ADAMTSL3: variants seen among roughly 807,000 people sequenced by gnomAD.
ADAMTSL3 encodes ADAMTS like 3, also known as ADAMTS-like protein 3.
Under a neutral mutation model 201.7 loss-of-function variants are expected in ADAMTSL3, and 128 were observed. The observed-to-expected ratio is 0.63, with a 90% confidence interval of 0.55 to 0.73. ADAMTSL3 has a LOEUF of 0.73. Ranked by LOEUF, ADAMTSL3 falls within the 30% of genes least tolerant of loss-of-function variation. The probability of loss-of-function intolerance (pLI) is 0.00; values close to 1 mark genes in which losing one functional copy is unlikely to be tolerated. For missense variants in ADAMTSL3, 1,990 were observed against 2,119.6 expected (o/e 0.94, Z 1.20); for synonymous variants, 738 against 748.4 (o/e 0.99, Z 0.23).
intron 9 of ADAMTSL3, among the ~76,000 whole-genome samples, chr15:83,880,225 A>C (rs560579533): frequency 6.6e-6 from 1 of 152,142 alleles, no homozygotes; most frequent in South Asian, 2.1e-4. Context: ...CTTCTGTCCC[A>C]AGCTCTTTGT....
In ADAMTSL3 at chr15:83,888,975, G is replaced by T. The variant is rs556617653; in HGVS notation, c.1073-1134G>T. ...CTTGGCTTTGGGCATTTTTTCTTTC[G>T]TAAAGAGCTCATTCTAGTTTTGAAA... On this transcript the variant is annotated intron_variant, in intron 10 of 29. Coordinates refer to ENST00000286744, the MANE Select transcript of ADAMTSL3 (RefSeq NM_207517.3). Among the ~76,000 whole-genome samples, 17 of 152,090 alleles carry T rather than the reference G, an allele frequency of 1.1e-4. No individual in the cohort carries two copies. The South Asian group carries it at 3.5e-3, about 32-fold the overall frequency.
At chr15:83,674,772 T>TACACAC (rs1037094872) in intron 2 of ADAMTSL3, among the ~76,000 whole-genome samples, 66 of 128,248 alleles carry the variant, frequency 5.1e-4, no homozygotes, top group Non-Finnish European at 7.2e-4. Flanking sequence ...TATACATATA[T>TACACAC]ATATATATAT....
intron 4 of ADAMTSL3, among the ~76,000 whole-genome samples, chr15:83,793,202 G>A (rs924486367): frequency 2.0e-5 from 3 of 152,104 alleles, no homozygotes; most frequent in African/African-American, 7.2e-5. Context: ...GGGGAGTTGA[G>A]GACATGTTGG....
chr15:84,018,242 T>TCA (rs375156230), intron 25 of ADAMTSL3, among the ~76,000 whole-genome samples: 68 of 151,950 alleles, frequency 4.5e-4, no homozygotes, highest in African/African-American at 1.5e-3. Context: ...AAATATACAA[T>TCA]CACACACACA....
intron 3 of ADAMTSL3, among the ~76,000 whole-genome samples, chr15:83,732,223 TTC>T (rs973817392): frequency 1.3e-5 from 2 of 152,094 alleles, no homozygotes; most frequent in African/African-American, 4.8e-5. Context: ...CCAAAAATGA[TTC>T]TGAGTACTCA....
At chr15:83,918,804 T>C (rs1380745081) in intron 16 of ADAMTSL3, among the ~76,000 whole-genome samples, 1 of 152,158 alleles carries the variant, frequency 6.6e-6, no homozygotes, top group African/African-American at 2.4e-5. Flanking sequence ...AAAAGGTTAG[T>C]CCAGCTGTAT....
At chr15:83,660,839 G>C (rs1271876385) in intron 2 of ADAMTSL3, among the ~76,000 whole-genome samples, 1 of 151,294 alleles carries the variant, frequency 6.6e-6, no homozygotes, top group Non-Finnish European at 1.5e-5. Context: ...TGGTGTTTTG[G>C]ACATGAAGTC....
chr15:84,016,897 T>C (rs2068096445), intron 25 of ADAMTSL3, among the ~76,000 whole-genome samples: 1 of 152,196 alleles, frequency 6.6e-6, no homozygotes, highest in Non-Finnish European at 1.5e-5. Flanking sequence ...CCAACTTTGT[T>C]ATGCATCAGT....
chr15:83,762,529 A>G (rs1378232876), intron 3 of ADAMTSL3, among the ~76,000 whole-genome samples: 1 of 152,136 alleles, frequency 6.6e-6, no homozygotes, highest in African/African-American at 2.4e-5. Flanking sequence ...TGCTTCCAAG[A>G]TGGTGCCTTG....
intron 9 of ADAMTSL3, among the ~76,000 whole-genome samples, chr15:83,872,889 A>G (rs1216012361): frequency 6.9e-6 from 1 of 145,874 alleles, no homozygotes; most frequent in Non-Finnish European, 1.5e-5. Flanking sequence ...ACGTATATGT[A>G]TATGTATATT....
intron 2 of ADAMTSL3, among the ~76,000 whole-genome samples, chr15:83,666,583 C>T (rs72761820): frequency 0.1 from 15,230 of 152,154 alleles, 985 homozygotes; most frequent in East Asian, 0.35. Flanking sequence ...CACACCTGTA[C>T]TCCCAGCACT....
chr15:83,857,457 A>G (rs975759025), intron 7 of ADAMTSL3, among the ~76,000 whole-genome samples: 4 of 152,158 alleles, frequency 2.6e-5, no homozygotes, highest in Non-Finnish European at 5.9e-5. Flanking sequence ...GTTAGGTCAT[A>G]TAGCTTCTTA....
At chr15:83,809,995 G>A (rs1320326198) in intron 5 of ADAMTSL3, among the ~76,000 whole-genome samples, 1 of 151,970 alleles carries the variant, frequency 6.6e-6, no homozygotes, top group Admixed American at 6.5e-5. Flanking sequence ...GCAGTCTTTA[G>A]CAACACCTTT....
intron 25 of ADAMTSL3, among the ~76,000 whole-genome samples, chr15:84,018,632 A>C (rs1194752953): frequency 2.0e-5 from 3 of 152,188 alleles, no homozygotes; most frequent in Admixed American, 6.5e-5. Context: ...GAATAAGGTT[A>C]ATGTGGCCTC....
chr15:83,882,660 G>C (rs570178336), intron 9 of ADAMTSL3, among the ~76,000 whole-genome samples: 2 of 152,192 alleles, frequency 1.3e-5, no homozygotes, highest in African/African-American at 4.8e-5. Context: ...TAGGTGAATA[G>C]CTGATAACTG....
chr15:83,942,875 GCCGCCTCA>G lies in ADAMTSL3; in HGVS notation c.2311-25_2311-18del. ...CACTAACATAGAGTGGGCCAAGCCT[GCCGCCTCA>G]CCCCCTCTTGTCTTCTTAGTGTTCC... On this transcript the variant is annotated intron_variant, in intron 18 of 29. Coordinates refer to ENST00000286744, the MANE Select transcript of ADAMTSL3 (RefSeq NM_207517.3). 6.2e-7 allele frequency: 1 copy of G among 1,607,158 alleles called. No homozygotes were observed. The highest frequency in any genetic ancestry group is 8.5e-7 in the Non-Finnish European group (1 of 1,176,592).
chr15:83,902,570 A>G (rs942061233), intron 15 of ADAMTSL3, among the ~76,000 whole-genome samples: 7 of 152,122 alleles, frequency 4.6e-5, no homozygotes, highest in Admixed American at 1.3e-4. Flanking sequence ...GCACCTGGCC[A>G]AGTCTAATTC....
chr15:83,920,285 A>G (rs190116854), intron 16 of ADAMTSL3, among the ~76,000 whole-genome samples: 6 of 152,306 alleles, frequency 3.9e-5, no homozygotes, highest in African/African-American at 1.2e-4. Context: ...TCAAATCATG[A>G]CAGGCCTCGA....
At chr15:83,775,067 G>T (rs1435779413) in intron 4 of ADAMTSL3, among the ~76,000 whole-genome samples, 1 of 152,154 alleles carries the variant, frequency 6.6e-6, no homozygotes, top group Non-Finnish European at 1.5e-5. Flanking sequence ...GGCTGGTCTT[G>T]AACTCCTGAC....
Sources: allele counts gnomAD v4.1 joint callset (sites outside exome capture counted in the v4.1 genomes callset), GRCh38; gene constraint gnomAD v4.1.1; transcripts MANE v1.5; gene names NCBI Gene and HGNC (gene_info 2026-07-23, HGNC 2026-07-21).